The following EEPD1 variants were observed in gnomAD, a reference collection of about 807,000 sequenced individuals.
The protein encoded by EEPD1 is endonuclease/exonuclease/phosphatase family domain containing 1.
A neutral mutation model predicts 46.3 loss-of-function variants in EEPD1; 17 were observed. That is an observed-to-expected ratio of 0.37 (90% CI 0.25 to 0.55). The LOEUF (loss-of-function observed/expected upper bound fraction) is 0.55. Among genes scored for constraint, EEPD1 ranks in the 20% least tolerant of loss-of-function variants. EEPD1 has a pLI of 0.83. For synonymous variants in EEPD1, 313 were observed against 315.6 expected, an observed-to-expected ratio of 0.99 and a Z score of 0.09; for missense variants, 673 against 745.6, an observed-to-expected ratio of 0.90 and a Z score of 1.13.
intron 3 of EEPD1, among the ~76,000 whole-genome samples, chr7:36,275,041 A>G (rs1404712537): frequency 6.6e-6 from 1 of 152,228 alleles, no homozygotes; most frequent in African/African-American, 2.4e-5. Context: ...TTTCAGTGCT[A>G]CTGCTGAGAA....
At chr7:36,280,233 G>A (rs1432417167) in intron 3 of EEPD1, among the ~76,000 whole-genome samples, 1 of 152,206 alleles carries the variant, frequency 6.6e-6, no homozygotes, top group Non-Finnish European at 1.5e-5. Flanking sequence ...CTGGCGACGG[G>A]TACAGATGCT....
intron 3 of EEPD1, among the ~76,000 whole-genome samples, chr7:36,263,502 G>T (rs962409848): frequency 6.6e-6 from 1 of 152,210 alleles, no homozygotes; most frequent in East Asian, 1.9e-4. Flanking sequence ...AGGCTACATG[G>T]AAGCACTGTG....
At chr7:36,202,678 C>T (rs1214120527) in intron 2 of EEPD1, among the ~76,000 whole-genome samples, 3 of 152,110 alleles carry the variant, frequency 2.0e-5, no homozygotes, top group Admixed American at 6.6e-5. Flanking sequence ...ACTCGGTGTC[C>T]GTGAGAACCA....
intron 2 of EEPD1, among the ~76,000 whole-genome samples, chr7:36,176,874 G>A (rs942817503): frequency 1.3e-5 from 2 of 152,208 alleles, no homozygotes; most frequent in Non-Finnish European, 2.9e-5. Context: ...AAGCTGCCTG[G>A]TTCTCCTCAA....
At chr7:36,287,095 G>A (rs568787653) in intron 5 of EEPD1, among the ~76,000 whole-genome samples, 3 of 151,796 alleles carry the variant, frequency 2.0e-5, no homozygotes, top group African/African-American at 7.3e-5. Context: ...AAATTAGCTG[G>A]GCATGGTGGC....
chr7:36,246,289 T>A (rs196545), intron 3 of EEPD1, among the ~76,000 whole-genome samples: 130,237 of 152,224 alleles, frequency 0.86, 56,126 homozygotes, highest in Non-Finnish European at 0.9. Context: ...GTGAGGGCAG[T>A]GGTGGGGGTT....
intron 2 of EEPD1, among the ~76,000 whole-genome samples, chr7:36,169,637 C>G (rs1785043531): frequency 1.3e-5 from 2 of 152,184 alleles, no homozygotes; most frequent in Non-Finnish European, 2.9e-5. Flanking sequence ...ACTCCCTCTT[C>G]CCCTCTTCCT....
chr7:36,202,421 G>T (rs2726090), intron 2 of EEPD1, among the ~76,000 whole-genome samples: 26,204 of 151,970 alleles, frequency 0.17, 2,784 homozygotes, highest in Non-Finnish European at 0.25. Flanking sequence ...TTCGCTAGCC[G>T]GGGTGAAGCA....
chr7:36,174,966 G>A (rs539791279), intron 2 of EEPD1, among the ~76,000 whole-genome samples: 94 of 152,320 alleles, frequency 6.2e-4, no homozygotes, highest in African/African-American at 2.2e-3. Flanking sequence ...GCACAGTCAT[G>A]CAGTGGAAGA....
intron 2 of EEPD1, among the ~76,000 whole-genome samples, chr7:36,205,555 A>G (rs1161777017): frequency 6.6e-6 from 1 of 152,208 alleles, no homozygotes; most frequent in Non-Finnish European, 1.5e-5. Flanking sequence ...GTTCTTGCCC[A>G]TGCAGCCTGC....
At chr7:36,284,846 G>C (rs758989171) in intron 5 of EEPD1, 26 bp downstream of exon 5, 2 of 1,438,994 alleles carry the variant, frequency 1.4e-6, no homozygotes, top group Non-Finnish European at 1.8e-6. Context: ...CGTCTGTGAC[G>C]TGGAATCTGC....
chr7:36,241,694 C>T (rs1301505711), intron 3 of EEPD1, among the ~76,000 whole-genome samples: 1 of 151,970 alleles, frequency 6.6e-6, no homozygotes, highest in African/African-American at 2.4e-5. Flanking sequence ...TGGTGAAACC[C>T]GGTCTCTGCT....
chr7:36,284,590 G>A (rs1787313166), intron 4 of EEPD1, 96 bp from the exon 5 acceptor site: 3 of 1,458,934 alleles, frequency 2.1e-6, no homozygotes, highest in Non-Finnish European at 2.8e-6. Flanking sequence ...CCAGAGTAGG[G>A]CCTACTGCCT....
At chr7:36,156,965 T>C (rs1784835158) in intron 2 of EEPD1, among the ~76,000 whole-genome samples, 1 of 144,114 alleles carries the variant, frequency 6.9e-6, no homozygotes. Context: ...CAACTGTAGA[T>C]GGAAAATATT....
chr7:36,236,256 G>A (rs930809862), intron 2 of EEPD1, among the ~76,000 whole-genome samples: 5 of 152,240 alleles, frequency 3.3e-5, no homozygotes, highest in African/African-American at 1.2e-4. Flanking sequence ...TGGCGAGGCC[G>A]GAGCCGGCTC....
At chr7:36,155,816 A>T (rs1195423951) in intron 2 of EEPD1, among the ~76,000 whole-genome samples, 1 of 152,176 alleles carries the variant, frequency 6.6e-6, no homozygotes, top group East Asian at 1.9e-4. Context: ...AAGCAAGCTG[A>T]CGTGTGTGTG....
chr7:36,167,450 G>A (rs1043263713), intron 2 of EEPD1, among the ~76,000 whole-genome samples: 5 of 152,226 alleles, frequency 3.3e-5, no homozygotes, highest in African/African-American at 1.2e-4. Flanking sequence ...TTTCTTGTCG[G>A]GCCATAGTAG....
At position 36,192,263 on chromosome 7, in the gene EEPD1, C is replaced by T. The variant is rs1343527665; in HGVS notation, c.878+37061C>T. On this transcript the variant is annotated intron_variant, in intron 2 of 7. Transcript: ENST00000242108. ...CTGTATTGTGTAAAAACACACAAAC[C>T]ACAAATTATTTTTAAAAGGGAAGAA... Among the ~76,000 whole-genome samples the T allele has an allele frequency of 3.3e-5, 5 of 152,276 alleles. No homozygotes were observed. The South Asian group carries it at 6.2e-4, about 19-fold the overall frequency.
At chr7:36,221,314 G>T (rs1786142918) in intron 2 of EEPD1, among the ~76,000 whole-genome samples, 1 of 152,190 alleles carries the variant, frequency 6.6e-6, no homozygotes, top group African/African-American at 2.4e-5. Flanking sequence ...TTAAGAGCCA[G>T]CTCTATGGTA....
Sources: gnomAD v4.1 joint callset for allele counts (sites outside exome capture counted in the v4.1 genomes callset) on GRCh38, gnomAD v4.1.1 for gene constraint, MANE v1.5 for transcripts, NCBI Gene and HGNC (gene_info 2026-07-23, HGNC 2026-07-21) for gene names.